B4GALT7: variants seen among roughly 807,000 people sequenced by gnomAD.
B4GALT7 encodes the protein UDP-Gal:beta-GlcNAc beta-1,4-galactosyltransferase 7.
Under a neutral mutation model 33.0 loss-of-function variants are expected in B4GALT7, and 30 were observed. The ratio of observed to expected loss-of-function variants is 0.91; its 90% CI spans 0.68 to 1.23. The LOEUF is 1.23. Ranked by LOEUF, B4GALT7 falls within the 50% of genes most tolerant of loss-of-function variation. B4GALT7 has a pLI of 0.00. For synonymous variants in B4GALT7, 213 were observed against 187.2 expected, an observed-to-expected ratio of 1.14 and a Z score of -1.13; for missense variants, 507 against 450.8, an observed-to-expected ratio of 1.12 and a Z score of -1.13.
In B4GALT7 at chr5:177,608,269, C is replaced by T. The variant is rs1359899511; in HGVS notation, c.640-270C>T. On this transcript the variant is annotated intron_variant, in intron 3 of 5. Transcript: ENST00000029410. The surrounding 1 kb of genome is among the most constrained non-coding windows in gnomAD (Gnocchi z 4.1). ...TCAAGTAGGAGCTGGCGCTTCTGCC[C>T]ATCGACAGTTCCCCACAGAGATCCC... 9.7e-6 allele frequency: 5 copies of T among 512,928 alleles called. No homozygotes were observed. Among genetic ancestry groups the T allele is most frequent in the Non-Finnish European group, 1.4e-5 (4 of 283,522 alleles). 31.8% of individuals were successfully genotyped at this position (512,928 alleles called of 1,614,324 possible).
rs950709096 is a variant in B4GALT7, at chr5:177,609,686, A to G, written c.975A>G (p.Thr325=). ...DCDKTATPWC[T]FS ...ACAAGACCGCCACACCCTGGTGCAC[A>G]TTCAGCTGAGCTGGATGGACAGTGA... Residue 325 remains threonine (T), a synonymous_variant, in exon 6 of 6, where the codon ACA becomes ACG. Coordinates refer to ENST00000029410, the MANE Select transcript of B4GALT7 (RefSeq NM_007255.3). The G allele has an allele frequency of 1.2e-6, 2 of 1,610,328 alleles. No homozygotes were observed. The highest frequency in any genetic ancestry group is 1.7e-6 in the Non-Finnish European group (2 of 1,178,432).
At position 177,604,265 on chromosome 5, in the gene B4GALT7, T is replaced by C; in HGVS notation, c.137T>C (p.Leu46Pro). 1 of 1,613,494 alleles carries C rather than the reference T, an allele frequency of 6.2e-7. No individual in the cohort carries two copies. Among genetic ancestry groups the C allele is most frequent in the Non-Finnish European group, 8.5e-7 (1 of 1,179,802 alleles). Residue 46 changes from leucine to proline, a missense_variant, in exon 2 of 6, where the codon CTA becomes CCA. Coordinates refer to ENST00000029410, the MANE Select transcript of B4GALT7 (RefSeq NM_007255.3). ...TGCCTCTCGCTGGGCTTCTTCTCCC[T>C]ACTCTGGCTGCAGCTCAGCTGCTCT... ...VACLSLGFFS[L>P]LWLQLSCSGD... is the part of the protein sequence containing the mutation.
In B4GALT7 at chr5:177,604,247, C is replaced by T. The variant is rs750694395; in HGVS notation, c.119C>T (p.Ser40Leu). 24 of 1,613,626 alleles carry T rather than the reference C, an allele frequency of 1.5e-5. No homozygotes were observed. The African/African-American group carries it at 2.0e-4, about 13-fold the overall frequency. ...TTCCACCTGTTCGTGGCCTGCCTCT[C>T]GCTGGGCTTCTTCTCCCTACTCTGG... Reference protein sequence around the residue: ...SVFHLFVACLSLGFFSLLWLQ... With the variant: ...SVFHLFVACLLLGFFSLLWLQ... The change falls in exon 2 of 6, where the codon TCG becomes TTG. Residue 40 changes from serine (S) to leucine (L), a missense_variant. Coordinates refer to ENST00000029410, the MANE Select transcript of B4GALT7 (RefSeq NM_007255.3).
intron 5 of B4GALT7, among the ~76,000 whole-genome samples, chr5:177,609,292 C>T (rs1768108507): frequency 6.6e-6 from 1 of 152,162 alleles, no homozygotes; most frequent in Admixed American, 6.5e-5. Context: ...CAGCCACACC[C>T]GGGATGCAGG....
chr5:177,604,395 C>G lies in B4GALT7; in HGVS notation c.267C>G (p.Ser89=), dbSNP rs1359704427. Reference sequence around the variant, plus strand: ...CTGAGCACTGGGAAGAAGACGCATCCTGGGGCCCCCACCGCCTGGCAGTGC... The same window carrying G: ...CTGAGCACTGGGAAGAAGACGCATCGTGGGGCCCCCACCGCCTGGCAGTGC... ...PPPEHWEEDA[S]WGPHRLAVLV... The change falls in exon 2 of 6, where the codon TCC becomes TCG. Residue 89 remains serine, a synonymous_variant. Coordinates refer to ENST00000029410, the MANE Select transcript of B4GALT7 (RefSeq NM_007255.3). 1 of 1,613,740 alleles carries G rather than the reference C, an allele frequency of 6.2e-7. No homozygotes were observed.
chr5:177,602,698 C>T (rs915279077), intron 1 of B4GALT7: 10 of 277,786 alleles, frequency 3.6e-5, no homozygotes, highest in African/African-American at 1.4e-4. Context: ...GAACATGGGG[C>T]GAAGGCTTGG....
At position 177,610,281 on chromosome 5, in the gene B4GALT7, A is replaced by ATCT. The variant is rs1303036862; in HGVS notation, c.*590_*592dup. On this transcript the variant is annotated 3_prime_UTR_variant, in exon 6 of 6. Transcript: ENST00000029410. ...CTAGAATGCTGGATTCTTAAGTGATATCTTCTGATTTTTTAAATGATAGCA... is the reference window on the plus strand; with the variant it reads ...CTAGAATGCTGGATTCTTAAGTGATATCTTCTTCTGATTTTTTAAATGATAGCA... 6.4e-6 allele frequency: 1 copy of ATCT among 155,974 alleles called. No homozygotes were observed. The highest frequency in any genetic ancestry group is 2.4e-5 in the African/African-American group (1 of 41,498). The allele number at this position is 155,974 out of a possible 1,614,324, so 9.7% of individuals were successfully genotyped here.
Position 177,608,977 on chromosome 5 carries a change from G to A in B4GALT7, c.791G>A (p.Arg264Gln), listed in dbSNP as rs375644526. The A allele has an allele frequency of 9.5e-5, 153 of 1,613,062 alleles. No homozygotes were observed. Among genetic ancestry groups the A allele is most frequent in the Non-Finnish European group, 1.2e-4 (136 of 1,180,006 alleles). The change falls in exon 5 of 6, where the codon CGG becomes CAG. Residue 264 changes from arginine to glutamine, a missense_variant. Coordinates refer to ENST00000029410, the MANE Select transcript of B4GALT7 (RefSeq NM_007255.3). The surrounding 1 kb of genome is among the most constrained non-coding windows in gnomAD (Gnocchi z 4.1). ...TFRHLHDPAW[R>Q]KRDQKRIAAQ... ...CGCCACCTGCATGACCCAGCCTGGCGGAAGAGGGACCAGAAGCGCATCGCA... is the reference window on the plus strand; with the variant it reads ...CGCCACCTGCATGACCCAGCCTGGCAGAAGAGGGACCAGAAGCGCATCGCA...
rs184002621 is a variant in B4GALT7 at position 177,609,524 on chromosome 5, C to A, written c.829-16C>A. On this transcript the variant is annotated splice_polypyrimidine_tract_variant and intron_variant, in intron 5 of 5. Coordinates refer to ENST00000029410, the MANE Select transcript of B4GALT7 (RefSeq NM_007255.3). ...TGCAGCCCTGAGTCCGTGCTCTTTC[C>A]TCTCTTCCTCCCCAGGAGCAGTTCA... 1.5e-5 allele frequency: 24 copies of A among 1,612,688 alleles called. No individual in the cohort carries two copies. In the Middle Eastern group the frequency reaches 6.0e-4, roughly 41 times the overall value.
At position 177,606,681 on chromosome 5, in the gene B4GALT7, G is replaced by C; in HGVS notation, c.414-621G>C. On this transcript the variant is annotated intron_variant, in intron 2 of 5. Coordinates refer to ENST00000029410, the MANE Select transcript of B4GALT7 (RefSeq NM_007255.3). This position sits in a 1 kb window ranked among gnomAD's most constrained non-coding sequence, Gnocchi z 4.2. ...CTCTACCCTGCTCAGAGCCTCCATGGCACCCATCTTACCCGAGTCAAAGCC... is the reference window on the plus strand; with the variant it reads ...CTCTACCCTGCTCAGAGCCTCCATGCCACCCATCTTACCCGAGTCAAAGCC... 1 of 188,640 alleles carries C rather than the reference G, an allele frequency of 5.3e-6. No homozygotes were observed. The highest frequency in any genetic ancestry group is 1.1e-5 in the Non-Finnish European group (1 of 89,694). 11.7% of individuals were successfully genotyped at this position (188,640 alleles called of 1,614,324 possible).
At chr5:177,601,455 G>A (rs1767840376) in intron 1 of B4GALT7, 1 of 152,208 alleles carries the variant, frequency 6.6e-6, no homozygotes, top group African/African-American at 2.4e-5. Context: ...GAGCAGCTGA[G>A]GATTCAAACC....
chr5:177,608,772 T>A lies in B4GALT7; in HGVS notation c.724-138T>A. 1 of 1,123,602 alleles carries A rather than the reference T, an allele frequency of 8.9e-7. No individual in the cohort carries two copies. The highest frequency in any genetic ancestry group is 1.3e-6 in the Non-Finnish European group (1 of 755,368). 69.6% of individuals were successfully genotyped at this position (1,123,602 alleles called of 1,614,324 possible). On this transcript the variant is annotated intron_variant, in intron 4 of 5. Transcript: ENST00000029410. The surrounding 1 kb of genome is among the most constrained non-coding windows in gnomAD (Gnocchi z 4.1). ...TGCCCTGCATGGTCATCTAGCCAGT[T>A]CCTTGCCCTGTGGGCCCCAGTCTCC...
At position 177,608,492 on chromosome 5, in the gene B4GALT7, C is replaced by A. The variant is rs1216754104; in HGVS notation, c.640-47C>A. ...CGAGCGGTAGGAGACCAAAGGCCCC[C>A]CCCCCCGGGAAGATGGGCCGAGTGA... is the stretch of plus-strand genomic sequence containing the variant. On this transcript the variant is annotated intron_variant, in intron 3 of 5. Transcript: ENST00000029410. The surrounding 1 kb of genome is among the most constrained non-coding windows in gnomAD (Gnocchi z 4.1). 8.4e-6 allele frequency: 13 copies of A among 1,553,904 alleles called. No individual in the cohort carries two copies. The highest frequency in any genetic ancestry group is 1.8e-6 in the Non-Finnish European group (2 of 1,128,710).
chr5:177,601,690 A>G (rs1767855689), intron 1 of B4GALT7, among the ~76,000 whole-genome samples: 1 of 152,106 alleles, frequency 6.6e-6, no homozygotes, highest in Admixed American at 6.5e-5. Flanking sequence ...GCCTTTTACT[A>G]GTCTTGGGCA....
At chr5:177,605,127 G>GC (rs1767952145) in intron 2 of B4GALT7, 1 of 421,146 alleles carries the variant, frequency 2.4e-6, no homozygotes. Context: ...CAGATCCCCA[G>GC]ACCCCCCCCT....
At position 177,608,371 on chromosome 5, in the gene B4GALT7, C is replaced by T. The variant is rs374382089; in HGVS notation, c.640-168C>T. 34 of 626,148 alleles carry T rather than the reference C, an allele frequency of 5.4e-5. No individual in the cohort carries two copies. Among genetic ancestry groups the T allele is most frequent in the Admixed American group, 2.3e-4 (9 of 38,628 alleles). 38.8% of individuals were successfully genotyped at this position (626,148 alleles called of 1,614,324 possible). A position where few individuals can be genotyped will look rare whatever the true frequency, so the allele number is the denominator to read the frequency against. Reference sequence around the variant, plus strand: ...GGCCCCGTGAGAACGGGAGAGGGCCCGGGACGCGCTGCTTCCTGCCGCCCG... The same window carrying T: ...GGCCCCGTGAGAACGGGAGAGGGCCTGGGACGCGCTGCTTCCTGCCGCCCG... On this transcript the variant is annotated intron_variant, in intron 3 of 5. Transcript: ENST00000029410. The surrounding 1 kb of genome is among the most constrained non-coding windows in gnomAD (Gnocchi z 4.1).
At chr5:177,604,060 T>A in intron 1 of B4GALT7, 119 bp from the exon 2 acceptor site, 1 of 1,424,592 alleles carries the variant, frequency 7.0e-7, no homozygotes, top group Non-Finnish European at 9.8e-7. Context: ...CTGTACTAAT[T>A]CCCAGGTGCT....
rs1033827696 is a variant in B4GALT7 at position 177,609,870 on chromosome 5, C to T, written c.*175C>T. The T allele has an allele frequency of 9.0e-6, 7 of 779,694 alleles. No individual in the cohort carries two copies. Among genetic ancestry groups the T allele is most frequent in the Admixed American group, 2.3e-5 (1 of 44,188 alleles). The allele number at this position is 779,694 out of a possible 1,614,324, so 48.3% of individuals were successfully genotyped here. On this transcript the variant is annotated 3_prime_UTR_variant, in exon 6 of 6. Coordinates refer to ENST00000029410, the MANE Select transcript of B4GALT7 (RefSeq NM_007255.3). Reference sequence around the variant, plus strand: ...GGCAGGCTTGGGCTGGGCCAGGACACGTGGGGTGCCTGGGACGCTGCTTGC... The same window carrying T: ...GGCAGGCTTGGGCTGGGCCAGGACATGTGGGGTGCCTGGGACGCTGCTTGC...
chr5:177,604,477 C>T lies in B4GALT7; in HGVS notation c.349C>T (p.Arg117Cys). 1.2e-6 allele frequency: 2 copies of T among 1,614,036 alleles called. No homozygotes were observed. Among genetic ancestry groups the T allele is most frequent in the African/African-American group, 1.3e-5 (1 of 75,060 alleles). Residue 117 changes from arginine (R) to cysteine (C), a missense_variant, in exon 2 of 6, where the codon CGC becomes TGC. By Grantham distance (180) the Arg-to-Cys change is radical (BLOSUM62 -3). Coordinates refer to ENST00000029410, the MANE Select transcript of B4GALT7 (RefSeq NM_007255.3). ...ELLVFVPHMR[R>C]FLSRKKIRHH... ...CCTGGTCTTCGTGCCCCACATGCGC[C>T]GCTTCCTGAGCAGGAAGAAGATCCG...
Sources: allele counts gnomAD v4.1 joint callset (sites outside exome capture counted in the v4.1 genomes callset), GRCh38; gene constraint gnomAD v4.1.1; non-coding constraint Gnocchi (gnomAD v3.1); transcripts MANE v1.5; gene names NCBI Gene and HGNC (gene_info 2026-07-23, HGNC 2026-07-21).